Variants in RASGRP4 observed in about 807,000 individuals in gnomAD.
RASGRP4 encodes the protein RAS guanyl-releasing protein 4.
In RASGRP4, 52 loss-of-function variants were observed where a neutral mutation model predicts 84.4. That is an observed-to-expected ratio of 0.62 (90% CI 0.49 to 0.78). The LOEUF is 0.78. Among genes scored for constraint, RASGRP4 ranks in the 30% least tolerant of loss-of-function variants. The pLI, the probability that RASGRP4 is intolerant of heterozygous loss-of-function variation, is 0.00. For missense variants in RASGRP4, 760 were observed against 886.9 expected (o/e 0.86, Z 1.82); for synonymous variants, 356 against 359.1 (o/e 0.99, Z 0.10).
At chr19:38,424,121 C>T (rs1162098699) in intron 1 of RASGRP4, among the ~76,000 whole-genome samples, 4 of 151,780 alleles carry the variant, frequency 2.6e-5, no homozygotes, top group Admixed American at 1.3e-4. Context: ...TTTTTTCTTT[C>T]TTTCTTTCTT....
chr19:38,422,500 C>T (rs997654916), intron 1 of RASGRP4, among the ~76,000 whole-genome samples: 4 of 152,172 alleles, frequency 2.6e-5, no homozygotes, highest in Non-Finnish European at 5.9e-5. Flanking sequence ...CAAGCACCCC[C>T]GCCTGAGCTC....
chr19:38,418,487 G>T lies in RASGRP4; in HGVS notation c.741C>A (p.Ser247Arg), dbSNP rs1460955016. 3.8e-6 allele frequency: 6 copies of T among 1,575,892 alleles called. No homozygotes were observed. The highest frequency in any genetic ancestry group is 5.2e-6 in the Non-Finnish European group (6 of 1,161,128). The change falls in exon 7 of 17, where the codon AGC (serine) becomes AGA (arginine). Residue 247 changes from serine (S) to arginine (R), a missense_variant. Transcript: ENST00000615439. The surrounding 1 kb of genome is among the most constrained non-coding windows in gnomAD (Gnocchi z 4.6). ...CPALEGSVGLSNSVSRWVQVM... is the reference protein window; with the variant it reads ...CPALEGSVGLRNSVSRWVQVM... ...CCTGCACCCAGCGGGACACGCTGTT[G>T]CTGAGACCTACGGAGCCCTCCAGGG...
At position 38,413,236 on chromosome 19, in the gene RASGRP4, G is replaced by T. The variant is rs760538598; in HGVS notation, c.1373C>A (p.Pro458Gln). The T allele has an allele frequency of 1.2e-6, 2 of 1,613,654 alleles. No individual in the cohort carries two copies. The highest frequency in any genetic ancestry group is 2.7e-5 in the African/African-American group (2 of 74,894). The change falls in exon 11 of 17, where the codon CCG becomes CAG. Residue 458 changes from proline (P) to glutamine (Q), a missense_variant. Coordinates refer to ENST00000615439, the MANE Select transcript of RASGRP4 (RefSeq NM_170604.3). The surrounding 1 kb of genome is among the most constrained non-coding windows in gnomAD (Gnocchi z 4.7). ...ATGCCGACCCAGTGTGACCCTGTCC[G>T]GCTTGGGTGTCACACCAGGGGCCCA... Reference protein sequence around the residue: ...VEWAPGVTPKPDRVTLGRHVE... With the variant: ...VEWAPGVTPKQDRVTLGRHVE...
At chr19:38,411,052 G>A in intron 15 of RASGRP4, 54 bp from the exon 16 acceptor site, 1 of 1,610,080 alleles carries the variant, frequency 6.2e-7, no homozygotes, top group Non-Finnish European at 8.5e-7. Context: ...ACCTCTTCTT[G>A]ACCTTGGACT....
rs189705329 is a variant in RASGRP4, at chr19:38,413,640, A to G, written c.1231-166T>C. ...CACCTCTCTGGGCCTCAGTTTCCCAATCTACAGAATGGGCACAGTAAGGGT... is the reference window on the plus strand; with the variant it reads ...CACCTCTCTGGGCCTCAGTTTCCCAGTCTACAGAATGGGCACAGTAAGGGT... On this transcript the variant is annotated intron_variant, in intron 9 of 16. Transcript: ENST00000615439. This position sits in a 1 kb window ranked among gnomAD's most constrained non-coding sequence, Gnocchi z 4.7. 4.5e-4 allele frequency among the ~76,000 whole-genome samples: 68 copies of G among 152,202 alleles called. 1 individual carries two copies. The highest frequency in any genetic ancestry group is 4.4e-3 in the Admixed American group (67 of 15,292).
chr19:38,412,650 G>A lies in RASGRP4; in HGVS notation c.1680+22C>T. 6.2e-7 allele frequency: 1 copy of A among 1,609,042 alleles called. No individual in the cohort carries two copies. The highest frequency in any genetic ancestry group is 8.5e-7 in the Non-Finnish European group (1 of 1,177,568). ...TTCAGGACAGATGGAACCTAAGGGT[G>A]GTGATGGGGTGGGGTGCTCACGAAG... On this transcript the variant is annotated intron_variant, in intron 13 of 16. Coordinates refer to ENST00000615439, the MANE Select transcript of RASGRP4 (RefSeq NM_170604.3). The surrounding 1 kb of genome is among the most constrained non-coding windows in gnomAD (Gnocchi z 4.6).
chr19:38,420,068 A>G, intron 5 of RASGRP4, 55 bp from the exon 6 acceptor site: 1 of 1,608,312 alleles, frequency 6.2e-7, no homozygotes, highest in Non-Finnish European at 8.5e-7. Context: ...GGGCTTGGGG[A>G]TATAGAGGGA....
intron 14 of RASGRP4, 27 bp from the exon 15 acceptor site, chr19:38,411,276 G>T: frequency 6.2e-7 from 1 of 1,613,376 alleles, no homozygotes; most frequent in Non-Finnish European, 8.5e-7. Flanking sequence ...GCAGGGGTCC[G>T]ATCTGTGTCA....
chr19:38,426,106 G>A lies in RASGRP4; in HGVS notation c.-15C>T, dbSNP rs766861529. 7.5e-7 allele frequency: 1 copy of A among 1,329,128 alleles called. No individual in the cohort carries two copies. The highest frequency in any genetic ancestry group is 9.7e-7 in the Non-Finnish European group (1 of 1,030,644). 82.3% of individuals were successfully genotyped at this position (1,329,128 alleles called of 1,614,324 possible). The stretch of plus-strand genomic sequence containing the variant: ...TTTCTGTTCATGCTTCCCGCGTGGG[G>A]TGAGGAGGCCGGGGGTCTTGCAAGA... On this transcript the variant is annotated 5_prime_UTR_variant, in exon 1 of 17. Transcript: ENST00000615439.
Position 38,421,107 on chromosome 19 carries a change from C to T in RASGRP4, c.302G>A (p.Arg101His), listed in dbSNP as rs751204980. ...TCCTGGAGGATATGAGGTCAGCAGG[C>T]GGGCAGCCAGGTCGGCGGACGGCAG... is the stretch of plus-strand genomic sequence containing the variant. The part of the protein sequence containing the change: ...WVLPSADLAA[R>H]LLTSYQKATG... The change falls in exon 3 of 17, where the codon CGC (arginine) becomes CAC (histidine). Residue 101 changes from arginine (R) to histidine (H), a missense_variant. Transcript: ENST00000615439. 14 of 1,613,428 alleles carry T rather than the reference C, an allele frequency of 8.7e-6. No homozygotes were observed. The highest frequency in any genetic ancestry group is 5.0e-5 in the Admixed American group (3 of 59,990).
intron 6 of RASGRP4, among the ~76,000 whole-genome samples, chr19:38,419,553 C>T (rs376596037): frequency 6.6e-6 from 1 of 152,148 alleles, no homozygotes; most frequent in East Asian, 1.9e-4. Context: ...CCTGCCTCAC[C>T]CTCCCAAGTA....
At chr19:38,421,327 A>T in intron 2 of RASGRP4, 127 bp from the exon 3 acceptor site, 1 of 680,498 alleles carries the variant, frequency 1.5e-6, no homozygotes, top group Non-Finnish European at 2.6e-6. Flanking sequence ...ATGACCTTGG[A>T]CAGGCAACCT....
rs1403497256 is a variant in RASGRP4, at chr19:38,417,125, G to A, written c.881C>T (p.Thr294Ile). 10 of 1,564,700 alleles carry A rather than the reference G, an allele frequency of 6.4e-6. No individual in the cohort carries two copies. The highest frequency in any genetic ancestry group is 8.7e-6 in the Non-Finnish European group (10 of 1,154,478). Reference sequence around the variant, plus strand: ...GATGGCACTGTGACACAGGCCCCCTGTGACTGCCATCAGCGTGTTGAAATT... The same window carrying A: ...GATGGCACTGTGACACAGGCCCCCTATGACTGCCATCAGCGTGTTGAAATT... ...LQNFNTLMAVTGGLCHSAISR... is the reference protein window; with the variant it reads ...LQNFNTLMAVIGGLCHSAISR... Residue 294 changes from threonine (T) to isoleucine (I), a missense_variant, in exon 8 of 17, where the codon ACA becomes ATA. By Grantham distance (89) the Thr-to-Ile change is moderately conservative. Transcript: ENST00000615439. The surrounding 1 kb of genome is among the most constrained non-coding windows in gnomAD (Gnocchi z 5.1).
chr19:38,417,195 C>A lies in RASGRP4; in HGVS notation c.838-27G>T. ...TAGGAAGAGAAGCATGCACACAGGG[C>A]CGTCACGGGAGGGAGGGCAAGTCAG... On this transcript the variant is annotated intron_variant, in intron 7 of 16. Transcript: ENST00000615439. This position sits in a 1 kb window ranked among gnomAD's most constrained non-coding sequence, Gnocchi z 5.1. The A allele has an allele frequency of 6.8e-7, 1 of 1,465,582 alleles. No homozygotes were observed. Among genetic ancestry groups the A allele is most frequent in the South Asian group, 1.2e-5 (1 of 82,348 alleles). The allele number at this position is 1,465,582 out of a possible 1,614,324, so 90.8% of individuals were successfully genotyped here.
intron 8 of RASGRP4, among the ~76,000 whole-genome samples, chr19:38,416,104 C>G (rs950576604): frequency 6.6e-6 from 1 of 151,208 alleles, no homozygotes; most frequent in African/African-American, 2.4e-5. Context: ...CAGCAGTCCT[C>G]CCCCTCAGCC....
chr19:38,426,132 G>A lies in RASGRP4; in HGVS notation c.-41C>T. ...TGAGGAGGCCGGGGGTCTTGCAAGAGTAGGGCTCAGCTCCTCCCCTTGCCC... is the reference window on the plus strand; with the variant it reads ...TGAGGAGGCCGGGGGTCTTGCAAGAATAGGGCTCAGCTCCTCCCCTTGCCC... On this transcript the variant is annotated 5_prime_UTR_variant, in exon 1 of 17. Coordinates refer to ENST00000615439, the MANE Select transcript of RASGRP4 (RefSeq NM_170604.3). 7.7e-7 allele frequency: 1 copy of A among 1,306,670 alleles called. No individual in the cohort carries two copies. Among genetic ancestry groups the A allele is most frequent in the Non-Finnish European group, 9.8e-7 (1 of 1,018,354 alleles). The allele number at this position is 1,306,670 out of a possible 1,614,324, so 80.9% of individuals were successfully genotyped here. A position where few individuals can be genotyped will look rare whatever the true frequency, so the allele number is the denominator to read the frequency against.
In RASGRP4 at chr19:38,421,175, C is replaced by T; in HGVS notation, c.234G>A (p.Glu78=). Residue 78 remains glutamate, a synonymous_variant, in exon 3 of 17, where the codon GAG becomes GAA. Coordinates refer to ENST00000615439, the MANE Select transcript of RASGRP4 (RefSeq NM_170604.3). ...SFDSAGSLCH[E]DHMLNMVLAM... Reference sequence around the variant, plus strand: ...CCAGCACCATGTTGAGCATGTGGTCCTCGTGGCACAGGCTGCCAGCTGAAT... The same window carrying T: ...CCAGCACCATGTTGAGCATGTGGTCTTCGTGGCACAGGCTGCCAGCTGAAT... The T allele has an allele frequency of 6.2e-7, 1 of 1,613,800 alleles. No homozygotes were observed.
At position 38,426,058 on chromosome 19, in the gene RASGRP4, G is replaced by A. The variant is rs754954512; in HGVS notation, c.23+11C>T. 2.9e-6 allele frequency: 4 copies of A among 1,366,888 alleles called. No homozygotes were observed. The highest frequency in any genetic ancestry group is 3.2e-5 in the Admixed American group (1 of 31,734). The allele number at this position is 1,366,888 out of a possible 1,614,324, so 84.7% of individuals were successfully genotyped here. A position where few individuals can be genotyped will look rare whatever the true frequency, so the allele number is the denominator to read the frequency against. ...GGGTGCTGCCGGGCTCCCTGGGGAG[G>A]GTCCTCTCACCTCTTACTGTCTTTT... On this transcript the variant is annotated intron_variant, in intron 1 of 16. Coordinates refer to ENST00000615439, the MANE Select transcript of RASGRP4 (RefSeq NM_170604.3).
In RASGRP4 at chr19:38,417,197, G is replaced by A. The variant is rs375772369; in HGVS notation, c.838-29C>T. 39 of 1,429,506 alleles carry A rather than the reference G, an allele frequency of 2.7e-5. 1 individual carries two copies. In the South Asian group the frequency reaches 3.5e-4, roughly 13 times the overall value. The allele number at this position is 1,429,506 out of a possible 1,614,324, so 88.6% of individuals were successfully genotyped here. On this transcript the variant is annotated intron_variant, in intron 7 of 16. Transcript: ENST00000615439. The surrounding 1 kb of genome is among the most constrained non-coding windows in gnomAD (Gnocchi z 5.1). ...GGAAGAGAAGCATGCACACAGGGCC[G>A]TCACGGGAGGGAGGGCAAGTCAGGA...
Sources: allele counts gnomAD v4.1 joint callset (sites outside exome capture counted in the v4.1 genomes callset), GRCh38; gene constraint gnomAD v4.1.1; non-coding constraint Gnocchi (gnomAD v3.1); transcripts MANE v1.5; gene names NCBI Gene and HGNC (gene_info 2026-07-23, HGNC 2026-07-21).